GP5: variants seen among roughly 807,000 people sequenced by gnomAD.
GP5 encodes the protein platelet glycoprotein V.
For synonymous variants in GP5, 382 were observed against 353.9 expected (o/e 1.08, Z -0.89); for missense variants, 755 against 737.1 (o/e 1.02, Z -0.28).
At position 194,397,260 on chromosome 3, in the gene GP5, G is replaced by T; in HGVS notation, c.1023C>A (p.Leu341=). ...PQGAFQGLGE[L]QVLALHSNGL... is the part of the protein sequence containing the mutation. ...CGTTGGAGTGCAGGGCGAGCACCTG[G>T]AGCTCGCCAAGGCCCTGGAAGGCGC... is the stretch of plus-strand genomic sequence containing the variant. Residue 341 remains leucine (L), a synonymous_variant, in exon 2 of 2, where the codon CTC becomes CTA. Coordinates refer to ENST00000692618, the MANE Select transcript of GP5 (RefSeq NM_004488.2). This position sits in a 1 kb window ranked among gnomAD's most constrained non-coding sequence, Gnocchi z 7.2. 6.3e-7 allele frequency: 1 copy of T among 1,579,532 alleles called. No homozygotes were observed. The highest frequency in any genetic ancestry group is 8.5e-7 in the Non-Finnish European group (1 of 1,170,790).
Position 194,397,323 on chromosome 3 carries a change from C to T in GP5, c.960G>A (p.Gly320=), listed in dbSNP as rs776175659. 41 of 1,594,962 alleles carry T rather than the reference C, an allele frequency of 2.6e-5. No homozygotes were observed. The highest frequency in any genetic ancestry group is 3.4e-5 in the Non-Finnish European group (40 of 1,176,508). The change falls in exon 2 of 2, where the codon GGG becomes GGA. Residue 320 remains glycine (G), a synonymous_variant. Transcript: ENST00000692618. The surrounding 1 kb of genome is among the most constrained non-coding windows in gnomAD (Gnocchi z 7.2). ...FRNLSRLRYL[G]VTLSPRLSAL... Reference sequence around the variant, plus strand: ...CGCTCAGCCGCGGGCTCAGAGTCACCCCTAAGTACCGCAGGCGGCTCAGGT... The same window carrying T: ...CGCTCAGCCGCGGGCTCAGAGTCACTCCTAAGTACCGCAGGCGGCTCAGGT...
chr3:194,396,957 G>A lies in GP5; in HGVS notation c.1326C>T (p.Leu442=), dbSNP rs550342914. ...ACCGTGGGGGCTCTTCCCCGCCCAC[G>A]AGGCCTAGGTGCTGCCGCAGCCACC... ...FLGWLRQHLG[L]VGGEEPPRCA... is the part of the protein sequence containing the mutation. Residue 442 remains leucine, a synonymous_variant, in exon 2 of 2, where the codon CTC becomes CTT. Coordinates refer to ENST00000692618, the MANE Select transcript of GP5 (RefSeq NM_004488.2). The A allele has an allele frequency of 1.0e-5, 16 of 1,553,846 alleles. No individual in the cohort carries two copies. The South Asian group carries it at 1.4e-4, about 14-fold the overall frequency.
At position 194,397,978 on chromosome 3, in the gene GP5, G is replaced by T. The variant is rs1202740841; in HGVS notation, c.305C>A (p.Thr102Asn). 6.9e-5 allele frequency: 112 copies of T among 1,614,162 alleles called. 1 individual carries two copies. In the South Asian group the frequency reaches 1.2e-3, roughly 17 times the overall value. Residue 102 changes from threonine (T) to asparagine (N), a missense_variant, in exon 2 of 2, where the codon ACC becomes AAC. Transcript: ENST00000692618. This position sits in a 1 kb window ranked among gnomAD's most constrained non-coding sequence, Gnocchi z 7.2. ...GATTTTGTTGCGCGACAGCCTCAGG[G>T]TTTTCAGTTTTATCAGGTCACTGAA... ...GTFSDLIKLK[T>N]LRLSRNKITH... is the part of the protein sequence containing the mutation.
Position 194,397,575 on chromosome 3 carries a change from C to T in GP5, c.708G>A (p.Gly236=), listed in dbSNP as rs1714500784. The T allele has an allele frequency of 1.9e-6, 3 of 1,614,080 alleles. No homozygotes were observed. The highest frequency in any genetic ancestry group is 3.3e-4 in the Middle Eastern group (2 of 6,062). Residue 236 remains glycine, a synonymous_variant, in exon 2 of 2, where the codon GGG becomes GGA. Coordinates refer to ENST00000692618, the MANE Select transcript of GP5 (RefSeq NM_004488.2). This position sits in a 1 kb window ranked among gnomAD's most constrained non-coding sequence, Gnocchi z 7.2. The stretch of plus-strand genomic sequence containing the variant: ...TGAGGTTTGGGAGCCGGTCGAAGGC[C>T]CCGGGTGCGATGGAACGGATGTGAT... ...HRNHIRSIAP[G]AFDRLPNLSS...
At position 194,397,754 on chromosome 3, in the gene GP5, A is replaced by G. The variant is rs1483929277; in HGVS notation, c.529T>C (p.Leu177=). The G allele has an allele frequency of 1.9e-6, 3 of 1,613,690 alleles. No individual in the cohort carries two copies. The highest frequency in any genetic ancestry group is 4.5e-5 in the East Asian group (2 of 44,868). ...AGGTGGGTCAGGTTGTTTCCCGATAAATCCAACAACTTCAGGTTCTCCAGA... is the reference window on the plus strand; with the variant it reads ...AGGTGGGTCAGGTTGTTTCCCGATAGATCCAACAACTTCAGGTTCTCCAGA... ...TNLENLKLLD[L]SGNNLTHLPK... Residue 177 remains leucine, a synonymous_variant, in exon 2 of 2, where the codon TTA becomes CTA. Transcript: ENST00000692618. This position sits in a 1 kb window ranked among gnomAD's most constrained non-coding sequence, Gnocchi z 7.2.
rs1204133925 is a variant in GP5 at position 194,394,992 on chromosome 3, CAAT to C, written c.*1605_*1607del. On this transcript the variant is annotated 3_prime_UTR_variant, in exon 2 of 2. Transcript: ENST00000692618. Reference sequence around the variant, plus strand: ...AGCTCTTCTTTAGAAATCATGATGCCAATAATAATTGCTCATCCTTTAGTAATA... The same window carrying C: ...AGCTCTTCTTTAGAAATCATGATGCCAATAATTGCTCATCCTTTAGTAATA... The C allele has an allele frequency of 1.3e-5, 2 of 152,180 alleles. No homozygotes were observed. Among genetic ancestry groups the C allele is most frequent in the African/African-American group, 4.8e-5 (2 of 41,432 alleles). 9.4% of individuals were successfully genotyped at this position (152,180 alleles called of 1,614,324 possible).
At chr3:194,398,347 TG>T in intron 1 of GP5, 63 bp from the exon 2 acceptor site, 1 of 1,455,912 alleles carries the variant, frequency 6.9e-7, no homozygotes, top group Non-Finnish European at 9.2e-7. Flanking sequence ...TACTGAACCC[TG>T]GGATCCTGCA....
chr3:194,396,383 G>C lies in GP5; in HGVS notation c.*217C>G. On this transcript the variant is annotated 3_prime_UTR_variant, in exon 2 of 2. Transcript: ENST00000692618. ...TCAAGCTCAGTTTCCAGGAACGGGC[G>C]GGGGACACAGAGAGGAGGGGTTGCG... 4 of 488,800 alleles carry C rather than the reference G, an allele frequency of 8.2e-6. No individual in the cohort carries two copies. The highest frequency in any genetic ancestry group is 1.4e-5 in the Non-Finnish European group (4 of 276,144). 30.3% of individuals were successfully genotyped at this position (488,800 alleles called of 1,614,324 possible).
Position 194,397,950 on chromosome 3 carries a change from C to A in GP5, c.333G>T (p.Thr111=). Reference sequence around the variant, plus strand: ...TATCCAGCAGCGCACCTGGAAGATGCGTGATTTTGTTGCGCGACAGCCTCA... The same window carrying A: ...TATCCAGCAGCGCACCTGGAAGATGAGTGATTTTGTTGCGCGACAGCCTCA... ...KTLRLSRNKI[T]HLPGALLDKM... Residue 111 remains threonine (T), a synonymous_variant, in exon 2 of 2, where the codon ACG becomes ACT. Transcript: ENST00000692618. This position sits in a 1 kb window ranked among gnomAD's most constrained non-coding sequence, Gnocchi z 7.2. The A allele has an allele frequency of 1.2e-6, 2 of 1,614,192 alleles. No homozygotes were observed. Among genetic ancestry groups the A allele is most frequent in the Non-Finnish European group, 1.7e-6 (2 of 1,180,014 alleles).
Position 194,397,274 on chromosome 3 carries a change from C to T in GP5, c.1009G>A (p.Gly337Ser). The T allele has an allele frequency of 1.9e-6, 3 of 1,581,358 alleles. No homozygotes were observed. Among genetic ancestry groups the T allele is most frequent in the South Asian group, 1.1e-5 (1 of 88,782 alleles). ...GCGAGCACCTGGAGCTCGCCAAGGC[C>T]CTGGAAGGCGCCCTGCGGAAGCGCG... ...LSALPQGAFQ[G>S]LGELQVLALH... Residue 337 changes from glycine (G) to serine (S), a missense_variant, in exon 2 of 2, where the codon GGC (glycine) becomes AGC (serine). Physicochemically the swap from Gly to Ser is moderately conservative, Grantham distance 56 (BLOSUM62 0). Coordinates refer to ENST00000692618, the MANE Select transcript of GP5 (RefSeq NM_004488.2). The surrounding 1 kb of genome is among the most constrained non-coding windows in gnomAD (Gnocchi z 7.2).
Position 194,397,368 on chromosome 3 carries a change from C to T in GP5, c.915G>A (p.Leu305=). 1 of 1,607,256 alleles carries T rather than the reference C, an allele frequency of 6.2e-7. No homozygotes were observed. Reference sequence around the variant, plus strand: ...TCAGGTTGCGGAAGGCGGCGGCGGGCAGGGTGCGCAGCTGGGTGCGGTTCA... The same window carrying T: ...TCAGGTTGCGGAAGGCGGCGGCGGGTAGGGTGCGCAGCTGGGTGCGGTTCA... ...LWLNRTQLRT[L]PAAAFRNLSR... The change falls in exon 2 of 2, where the codon CTG becomes CTA. Residue 305 remains leucine, a synonymous_variant. Transcript: ENST00000692618. This position sits in a 1 kb window ranked among gnomAD's most constrained non-coding sequence, Gnocchi z 7.2.
chr3:194,398,360 T>C, intron 1 of GP5, 76 bp from the exon 2 acceptor site: 1 of 1,355,848 alleles, frequency 7.4e-7, no homozygotes, highest in African/African-American at 1.5e-5. Flanking sequence ...GATCCTGCAC[T>C]TTGTGCAGAG....
rs765569501 is a variant in GP5 at position 194,398,252 on chromosome 3, G to GC, written c.30dup (p.Leu11AlafsTer86). ...AAGGGCTGGGCGCGCAGAAGCCCGA[G>GC]CACCGCGCACAGTAGAGTCCCCCTC... is the stretch of plus-strand genomic sequence containing the variant. On this transcript the variant is annotated frameshift_variant, in exon 2 of 2. Coordinates refer to ENST00000692618, the MANE Select transcript of GP5 (RefSeq NM_004488.2). LOFTEE classifies it low-confidence loss of function (END_TRUNC). 2.8e-5 allele frequency: 45 copies of GC among 1,609,648 alleles called. No individual in the cohort carries two copies. The highest frequency in any genetic ancestry group is 3.6e-5 in the Non-Finnish European group (43 of 1,178,110).
chr3:194,397,682 G>A lies in GP5; in HGVS notation c.601C>T (p.Leu201Phe), dbSNP rs866648305. Residue 201 changes from leucine (L) to phenylalanine (F), a missense_variant, in exon 2 of 2, where the codon CTC (leucine) becomes TTC (phenylalanine). Leu to Phe is a conservative substitution (Grantham distance 22). Transcript: ENST00000692618. The surrounding 1 kb of genome is among the most constrained non-coding windows in gnomAD (Gnocchi z 7.2). The part of the protein sequence containing the change: ...GAQAKLERLL[L>F]HSNRLVSLDS... ...AGAGACACAAGGCGGTTCGAGTGGAGCAGAAGTCTCTCGAGCTTAGCCTGT... is the reference window on the plus strand; with the variant it reads ...AGAGACACAAGGCGGTTCGAGTGGAACAGAAGTCTCTCGAGCTTAGCCTGT... The A allele has an allele frequency of 6.2e-7, 1 of 1,614,000 alleles. No individual in the cohort carries two copies. The highest frequency in any genetic ancestry group is 1.1e-5 in the South Asian group (1 of 91,084).
Position 194,397,381 on chromosome 3 carries a change from T to C in GP5, c.902A>G (p.Gln301Arg), listed in dbSNP as rs1714494312. Residue 301 changes from glutamine to arginine, a missense_variant, in exon 2 of 2, where the codon CAG (glutamine) becomes CGG (arginine). Coordinates refer to ENST00000692618, the MANE Select transcript of GP5 (RefSeq NM_004488.2). This position sits in a 1 kb window ranked among gnomAD's most constrained non-coding sequence, Gnocchi z 7.2. The stretch of plus-strand genomic sequence containing the variant: ...GGCGGCGGCGGGCAGGGTGCGCAGC[T>C]GGGTGCGGTTCAGCCACAGCTCCTG... ...GLQELWLNRT[Q>R]LRTLPAAAFR... The C allele has an allele frequency of 6.2e-7, 1 of 1,610,782 alleles. No homozygotes were observed. Among genetic ancestry groups the C allele is most frequent in the African/African-American group, 1.3e-5 (1 of 75,048 alleles).
rs555297751 is a variant in GP5 at position 194,394,929 on chromosome 3, G to A, written c.*1671C>T. 1.3e-5 allele frequency: 2 copies of A among 152,330 alleles called. No homozygotes were observed. Among genetic ancestry groups the A allele is most frequent in the Admixed American group, 6.5e-5 (1 of 15,306 alleles). 9.4% of individuals were successfully genotyped at this position (152,330 alleles called of 1,614,324 possible). On this transcript the variant is annotated 3_prime_UTR_variant, in exon 2 of 2. Coordinates refer to ENST00000692618, the MANE Select transcript of GP5 (RefSeq NM_004488.2). ...TGTAACCTCCAGTCTGAGAAAGTTC[G>A]GACTTACCCTTATACACAGAGAAAA...
At position 194,396,906 on chromosome 3, in the gene GP5, G is replaced by A. The variant is rs1031128978; in HGVS notation, c.1377C>T (p.Gly459=). 1.0e-5 allele frequency: 15 copies of A among 1,502,796 alleles called. No homozygotes were observed. The highest frequency in any genetic ancestry group is 1.3e-5 in the Non-Finnish European group (15 of 1,128,386). 93.1% of individuals were successfully genotyped at this position (1,502,796 alleles called of 1,614,324 possible). Residue 459 remains glycine, a synonymous_variant, in exon 2 of 2, where the codon GGC becomes GGT. Coordinates refer to ENST00000692618, the MANE Select transcript of GP5 (RefSeq NM_004488.2). ...PRCAGPGAHA[G]LPLWALPGGD... Reference sequence around the variant, plus strand: ...CCCCCGGCAGGGCCCAGAGCGGCAGGCCGGCGTGCGCCCCAGGGCCTGCGC... The same window carrying A: ...CCCCCGGCAGGGCCCAGAGCGGCAGACCGGCGTGCGCCCCAGGGCCTGCGC...
In GP5 at chr3:194,398,169, G is replaced by A; in HGVS notation, c.114C>T (p.Gly38=). 6.2e-7 allele frequency: 1 copy of A among 1,612,702 alleles called. No individual in the cohort carries two copies. The part of the protein sequence containing the change: ...VFRDAAQCSG[G]DVARISALGL... ...CTAGCGCGGAGATGCGCGCCACGTC[G>A]CCCCCCGAGCACTGCGCGGCGTCCC... Residue 38 remains glycine, a synonymous_variant, in exon 2 of 2, where the codon GGC becomes GGT. Transcript: ENST00000692618.
chr3:194,398,467 C>A, intron 1 of GP5, 183 bp from the exon 2 acceptor site: 2 of 587,740 alleles, frequency 3.4e-6, no homozygotes, highest in Non-Finnish European at 6.0e-6. Flanking sequence ...TGCGTGGCCT[C>A]ATGCTTTTGC....
Sources: allele counts gnomAD v4.1 joint callset, GRCh38; gene constraint gnomAD v4.1.1; non-coding constraint Gnocchi (gnomAD v3.1); transcripts MANE v1.5; gene names NCBI Gene and HGNC (gene_info 2026-07-23, HGNC 2026-07-21).